RAP1B: variants seen among roughly 807,000 people sequenced by gnomAD.
RAP1B encodes the protein RAP1B, member of RAS oncogene family, also known as ras-related protein Rap-1b.
A neutral mutation model predicts 27.5 loss-of-function variants in RAP1B; 1 was observed. The ratio of observed to expected loss-of-function variants is 0.04; its 90% CI spans 0.01 to 0.17. The LOEUF (loss-of-function observed/expected upper bound fraction) is 0.17. Among genes scored for constraint, RAP1B ranks in the 10% least tolerant of loss-of-function variants. The pLI, the probability that RAP1B is intolerant of heterozygous loss-of-function variation, is 1.00. For missense variants in RAP1B, 84 were observed against 214.8 expected (o/e 0.39, Z 3.81); for synonymous variants, 75 against 73.1 (o/e 1.03, Z -0.13).
rs1874875659 is a variant in RAP1B, at chr12:68,666,834, G to GTCTCCCTAA, written c.*7593_*7594insATCTCCCTA. On this transcript the variant is annotated 3_prime_UTR_variant, in exon 8 of 8. Coordinates refer to ENST00000250559, the MANE Select transcript of RAP1B (RefSeq NM_001010942.3). ...CTGAACTGAATCAGCAGACCCTCAGGTCTCCCTAGAGAGATCCTGAGCACC... is the reference window on the plus strand; with the variant it reads ...CTGAACTGAATCAGCAGACCCTCAGGTCTCCCTAATCTCCCTAGAGAGATCCTGAGCACC... 2 of 152,096 alleles carry GTCTCCCTAA rather than the reference G, an allele frequency of 1.3e-5. No individual in the cohort carries two copies. The highest frequency in any genetic ancestry group is 4.1e-4 in the South Asian group (2 of 4,830). 9.4% of individuals were successfully genotyped at this position (152,096 alleles called of 1,614,324 possible). A position where few individuals can be genotyped will look rare whatever the true frequency, so the allele number is the denominator to read the frequency against.
rs191629072 is a variant in RAP1B, at chr12:68,661,302, A to C, written c.*2053A>C. On this transcript the variant is annotated 3_prime_UTR_variant, in exon 8 of 8. Transcript: ENST00000250559. ...AACACTAAAATTACTTCAATTTACT[A>C]TGTCCTGTTACATCCATTGATACCG... The C allele has an allele frequency of 6.6e-6, 1 of 152,186 alleles. No individual in the cohort carries two copies. Among genetic ancestry groups the C allele is most frequent in the Non-Finnish European group, 1.5e-5 (1 of 68,024 alleles). 9.4% of individuals were successfully genotyped at this position (152,186 alleles called of 1,614,324 possible). A position where few individuals can be genotyped will look rare whatever the true frequency, so the allele number is the denominator to read the frequency against.
In RAP1B at chr12:68,664,866, A is replaced by T. The variant is rs1874782673; in HGVS notation, c.*5617A>T. 1 of 152,230 alleles carries T rather than the reference A, an allele frequency of 6.6e-6. No individual in the cohort carries two copies. Among genetic ancestry groups the T allele is most frequent in the Admixed American group, 6.5e-5 (1 of 15,282 alleles). 9.4% of individuals were successfully genotyped at this position (152,230 alleles called of 1,614,324 possible). A position where few individuals can be genotyped will look rare whatever the true frequency, so the allele number is the denominator to read the frequency against. ...TACTAAAGCAAGTGACTCATAATAA[A>T]AATTGTTATTTTGTAAAATATATGG... On this transcript the variant is annotated 3_prime_UTR_variant, in exon 8 of 8. Coordinates refer to ENST00000250559, the MANE Select transcript of RAP1B (RefSeq NM_001010942.3).
rs773958626 is a variant in RAP1B at position 68,654,267 on chromosome 12, A to G, written c.324+15A>G. The G allele has an allele frequency of 6.6e-6, 10 of 1,509,128 alleles. No individual in the cohort carries two copies. Among genetic ancestry groups the G allele is most frequent in the African/African-American group, 1.4e-5 (1 of 70,570 alleles). The allele number at this position is 1,509,128 out of a possible 1,614,324, so 93.5% of individuals were successfully genotyped here. Reference sequence around the variant, plus strand: ...ACACTGATGATGTAAGCTGACTTCCAAATAAATATATTTTATTTCAAAACC... The same window carrying G: ...ACACTGATGATGTAAGCTGACTTCCGAATAAATATATTTTATTTCAAAACC... On this transcript the variant is annotated intron_variant, in intron 5 of 7. Transcript: ENST00000250559.
chr12:68,657,761 CACACACA>C (rs1874315315), intron 7 of RAP1B: 1 of 159,748 alleles, frequency 6.3e-6, no homozygotes, highest in Non-Finnish European at 1.3e-5. Flanking sequence ...CACACACACA[CACACACA>C]CACACGTGCG....
rs1555173446 is a variant in RAP1B at position 68,654,358 on chromosome 12, G to GGC, written c.324+107_324+108insCG. ...AAGCTTGTGTATTTTGGTTGGGGGG[G>GGC]GGGTGTTGGTTTTTTTAAACTTTTT... is the stretch of plus-strand genomic sequence containing the variant. On this transcript the variant is annotated intron_variant, in intron 5 of 7. Transcript: ENST00000250559. The GGC allele has an allele frequency of 2.9e-3, 1,301 of 442,548 alleles. 77 individuals carry two copies. The highest frequency in any genetic ancestry group is 0.023 in the African/African-American group (1,044 of 45,386). 27.4% of individuals were successfully genotyped at this position (442,548 alleles called of 1,614,324 possible). A position where few individuals can be genotyped will look rare whatever the true frequency, so the allele number is the denominator to read the frequency against.
chr12:68,641,855 C>T (rs1873033039), intron 1 of RAP1B, among the ~76,000 whole-genome samples: 1 of 150,796 alleles, frequency 6.6e-6, no homozygotes, highest in South Asian at 2.1e-4. Context: ...ATTTTGATAG[C>T]TTTCTTTAGA....
At position 68,665,855 on chromosome 12, in the gene RAP1B, C is replaced by T. The variant is rs776535064; in HGVS notation, c.*6606C>T. 7.4e-5 allele frequency: 11 copies of T among 149,018 alleles called. No individual in the cohort carries two copies. Among genetic ancestry groups the T allele is most frequent in the Non-Finnish European group, 1.3e-4 (9 of 67,826 alleles). The allele number at this position is 149,018 out of a possible 1,614,324, so 9.2% of individuals were successfully genotyped here. ...ATATTTAAATTCAGCTGTAACAAGACATCTTTTTTTTTTTTTTTGAGAGAG... is the reference window on the plus strand; with the variant it reads ...ATATTTAAATTCAGCTGTAACAAGATATCTTTTTTTTTTTTTTTGAGAGAG... On this transcript the variant is annotated 3_prime_UTR_variant, in exon 8 of 8. Coordinates refer to ENST00000250559, the MANE Select transcript of RAP1B (RefSeq NM_001010942.3).
At chr12:68,613,121 G>C (rs963740781) in intron 1 of RAP1B, among the ~76,000 whole-genome samples, 1 of 152,092 alleles carries the variant, frequency 6.6e-6, no homozygotes, top group Non-Finnish European at 1.5e-5. Context: ...TTGGGAGGCC[G>C]AGCCGAGGAA....
At position 68,670,104 on chromosome 12, in the gene RAP1B, A is replaced by T. The variant is rs1592479690; in HGVS notation, c.*10855A>T. On this transcript the variant is annotated 3_prime_UTR_variant, in exon 8 of 8. Coordinates refer to ENST00000250559, the MANE Select transcript of RAP1B (RefSeq NM_001010942.3). Reference sequence around the variant, plus strand: ...GGCATGTGCCACCACGCCTGGGCTAATTTTGTATTTTAGTAGAGATGGGGT... The same window carrying T: ...GGCATGTGCCACCACGCCTGGGCTATTTTTGTATTTTAGTAGAGATGGGGT... 1 of 151,568 alleles carries T rather than the reference A, an allele frequency of 6.6e-6. No individual in the cohort carries two copies. The highest frequency in any genetic ancestry group is 2.4e-5 in the African/African-American group (1 of 41,210). The allele number at this position is 151,568 out of a possible 1,614,324, so 9.4% of individuals were successfully genotyped here.
intron 4 of RAP1B, among the ~76,000 whole-genome samples, chr12:68,652,539 G>T (rs1052529559): frequency 3.0e-4 from 46 of 152,054 alleles, no homozygotes; most frequent in African/African-American, 1.1e-3. Flanking sequence ...TATTGGCCGG[G>T]CGCAGTGGCT....
chr12:68,656,755 T>C, intron 6 of RAP1B: 1 of 523,904 alleles, frequency 1.9e-6, no homozygotes, highest in African/African-American at 2.0e-5. Flanking sequence ...TAGAGTAAAA[T>C]TCCGAAAAGT....
chr12:68,620,835 A>G (rs1211715738), intron 1 of RAP1B, among the ~76,000 whole-genome samples: 1 of 152,026 alleles, frequency 6.6e-6, no homozygotes, highest in East Asian at 1.9e-4. Flanking sequence ...CGGTTCTTCC[A>G]CCTCAGTCCT....
In RAP1B at chr12:68,669,489, G is replaced by A. The variant is rs1276288854; in HGVS notation, c.*10240G>A. On this transcript the variant is annotated 3_prime_UTR_variant, in exon 8 of 8. Coordinates refer to ENST00000250559, the MANE Select transcript of RAP1B (RefSeq NM_001010942.3). ...GCATGAGCCACCGTGCCAGACTTGG[G>A]TGAGGTTTTGAAATTGAAATTAAGC... 1.3e-5 allele frequency: 2 copies of A among 152,136 alleles called. No homozygotes were observed. Among genetic ancestry groups the A allele is most frequent in the Non-Finnish European group, 2.9e-5 (2 of 68,026 alleles). The allele number at this position is 152,136 out of a possible 1,614,324, so 9.4% of individuals were successfully genotyped here. A position where few individuals can be genotyped will look rare whatever the true frequency, so the allele number is the denominator to read the frequency against.
chr12:68,632,980 A>G (rs571186435), intron 1 of RAP1B, among the ~76,000 whole-genome samples: 16 of 152,228 alleles, frequency 1.1e-4, no homozygotes, highest in African/African-American at 3.6e-4. Flanking sequence ...TTGGCAGGCG[A>G]TTTTTATATG....
At chr12:68,654,506 C>A (rs1325684495) in intron 5 of RAP1B, among the ~76,000 whole-genome samples, 1 of 147,194 alleles carries the variant, frequency 6.8e-6, no homozygotes, top group Non-Finnish European at 1.5e-5. Flanking sequence ...TTTTTTTTTC[C>A]TTTGAGATGG....
chr12:68,614,206 G>A (rs536112011), intron 1 of RAP1B, among the ~76,000 whole-genome samples: 9 of 152,216 alleles, frequency 5.9e-5, no homozygotes, highest in Admixed American at 2.6e-4. Context: ...TATTTATTGA[G>A]GTAGTGAAAC....
chr12:68,610,945 G>T lies in RAP1B; in HGVS notation c.-125G>T. On this transcript the variant is annotated 5_prime_UTR_variant, in exon 1 of 8. Coordinates refer to ENST00000250559, the MANE Select transcript of RAP1B (RefSeq NM_001010942.3). ...GATTCAGGCGTGTAAACCAGCCGGA[G>T]CGGCGCGGCAGCGGCAGGACCGCCG... is the stretch of plus-strand genomic sequence containing the variant. 1 of 311,522 alleles carries T rather than the reference G, an allele frequency of 3.2e-6. No individual in the cohort carries two copies. The highest frequency in any genetic ancestry group is 5.9e-6 in the Non-Finnish European group (1 of 169,110). The allele number at this position is 311,522 out of a possible 1,614,324, so 19.3% of individuals were successfully genotyped here. A position where few individuals can be genotyped will look rare whatever the true frequency, so the allele number is the denominator to read the frequency against.
chr12:68,629,453 A>G (rs1391595228), intron 1 of RAP1B, among the ~76,000 whole-genome samples: 2 of 152,216 alleles, frequency 1.3e-5, no homozygotes, highest in Non-Finnish European at 2.9e-5. Flanking sequence ...CTGAAGAGAA[A>G]CTTCAGAACC....
chr12:68,618,983 A>G lies in RAP1B; in HGVS notation c.-27+7940A>G, dbSNP rs140718357. Among the ~76,000 whole-genome samples the G allele has an allele frequency of 2.7e-3, 406 of 152,046 alleles. 1 individual carries two copies. The highest frequency in any genetic ancestry group is 9.4e-3 in the African/African-American group (390 of 41,480). On this transcript the variant is annotated intron_variant, in intron 1 of 7. Transcript: ENST00000250559. ...AAAGTTAGTGTGGTCATGCACATCTACAGCTACTCTGGAGGCTGAGGTGGA... is the reference window on the plus strand; with the variant it reads ...AAAGTTAGTGTGGTCATGCACATCTGCAGCTACTCTGGAGGCTGAGGTGGA...
Sources: allele counts gnomAD v4.1 joint callset (sites outside exome capture counted in the v4.1 genomes callset), GRCh38; gene constraint gnomAD v4.1.1; transcripts MANE v1.5; gene names NCBI Gene and HGNC (gene_info 2026-07-23, HGNC 2026-07-21).